The following OSBPL9 variants were observed in gnomAD, a reference collection of about 807,000 sequenced individuals.
The protein encoded by OSBPL9 is oxysterol binding protein like 9.
A neutral mutation model predicts 106.6 loss-of-function variants in OSBPL9; 40 were observed. That is an observed-to-expected ratio of 0.38 (90% CI 0.29 to 0.49). The LOEUF (loss-of-function observed/expected upper bound fraction) is 0.49. Among genes scored for constraint, OSBPL9 ranks in the 20% least tolerant of loss-of-function variants. The probability of loss-of-function intolerance (pLI) is 0.97; values close to 1 mark genes in which losing one functional copy is unlikely to be tolerated. For synonymous variants in OSBPL9, 269 were observed against 295.4 expected, an observed-to-expected ratio of 0.91 and a Z score of 0.92; for missense variants, 609 against 887.2, an observed-to-expected ratio of 0.69 and a Z score of 3.98.
intron 1 of OSBPL9, among the ~76,000 whole-genome samples, chr1:51,651,582 G>A (rs1646520168): frequency 6.6e-6 from 1 of 151,822 alleles, no homozygotes; most frequent in Non-Finnish European, 1.5e-5. Flanking sequence ...CAGCCTGGGC[G>A]ACAAAGCGGG....
intron 14 of OSBPL9, 78 bp from the exon 15 acceptor site, chr1:51,776,755 G>C (rs1045476817): frequency 9.3e-6 from 9 of 969,532 alleles, no homozygotes; most frequent in African/African-American, 5.1e-5. Context: ...GTTTTGTTTT[G>C]TTTTCTTTTT....
intron 4 of OSBPL9, 44 bp from the exon 5 acceptor site, chr1:51,745,492 T>A (rs760170399): frequency 3.1e-6 from 5 of 1,595,490 alleles, no homozygotes; most frequent in Non-Finnish European, 4.3e-6. Flanking sequence ...CTATTAAACT[T>A]TGCTTGGGTT....
chr1:51,710,631 A>G (rs1398020865), intron 3 of OSBPL9, among the ~76,000 whole-genome samples: 2 of 152,228 alleles, frequency 1.3e-5, no homozygotes, highest in Admixed American at 6.5e-5. Context: ...CATAAAGGAT[A>G]TATTTCAGTG....
intron 2 of OSBPL9, among the ~76,000 whole-genome samples, chr1:51,668,153 G>A (rs1414480877): frequency 6.6e-6 from 1 of 152,030 alleles, no homozygotes; most frequent in Non-Finnish European, 1.5e-5. Flanking sequence ...AAGGGCACAC[G>A]GCTTCTCTTA....
the OSBPL9 span, among the ~76,000 whole-genome samples, chr1:51,537,216 C>A: frequency 6.6e-6 from 1 of 151,960 alleles, no homozygotes; most frequent in African/African-American, 2.4e-5. Flanking sequence ...TAAACATTAC[C>A]CTTATTATTT....
chr1:51,760,385 G>T lies in OSBPL9; in HGVS notation c.583-305G>T, dbSNP rs148293625. 173 of 257,476 alleles carry T rather than the reference G, an allele frequency of 6.7e-4. 4 individuals carry two copies. The South Asian group carries it at 8.0e-3, about 12-fold the overall frequency. 15.9% of individuals were successfully genotyped at this position (257,476 alleles called of 1,614,324 possible). Reference sequence around the variant, plus strand: ...GTGAATTAAGAGATTGAGAAGCACCGAATTGAATTGAGAGGTGGTTTTGAC... The same window carrying T: ...GTGAATTAAGAGATTGAGAAGCACCTAATTGAATTGAGAGGTGGTTTTGAC... On this transcript the variant is annotated intron_variant, in intron 9 of 23. Coordinates refer to ENST00000428468, the MANE Select transcript of OSBPL9 (RefSeq NM_024586.6).
intron 1 of OSBPL9, among the ~76,000 whole-genome samples, chr1:51,592,364 C>T (rs1254346411): frequency 6.6e-6 from 1 of 152,154 alleles, no homozygotes; most frequent in East Asian, 1.9e-4. Context: ...ATCTGCCCAT[C>T]TCGGCCTCCC....
rs12033228 is a variant in OSBPL9, at chr1:51,776,662, T to C, written c.1171-171T>C. Among the ~76,000 whole-genome samples the C allele has an allele frequency of 2.6e-5, 4 of 152,316 alleles. No individual in the cohort carries two copies. In the East Asian group the frequency reaches 7.7e-4, roughly 29 times the overall value. ...TGCTAGGCAGGTTAATGGTCATTTC[T>C]GAATCTGACAGGTTGAGAATTAGTT... On this transcript the variant is annotated intron_variant, in intron 14 of 23. Coordinates refer to ENST00000428468, the MANE Select transcript of OSBPL9 (RefSeq NM_024586.6).
At chr1:51,781,117 C>T (rs1247658268) in intron 15 of OSBPL9, 47 bp from the exon 16 acceptor site, 24 of 1,583,368 alleles carry the variant, frequency 1.5e-5, no homozygotes, top group Non-Finnish European at 2.1e-5. Flanking sequence ...ATCATCTTGT[C>T]TTGTACCAGA....
At chr1:51,686,054 G>A (rs1653726549) in intron 3 of OSBPL9, among the ~76,000 whole-genome samples, 1 of 152,080 alleles carries the variant, frequency 6.6e-6, no homozygotes, top group South Asian at 2.1e-4. Context: ...AAATCAAGTG[G>A]AGATGGGTGT....
At chr1:51,543,903 C>G in the OSBPL9 span, among the ~76,000 whole-genome samples, 1 of 152,172 alleles carries the variant, frequency 6.6e-6, no homozygotes, top group Non-Finnish European at 1.5e-5. Context: ...TCATTATTCT[C>G]AAGAAATGAA....
At chr1:51,590,665 G>C (rs183022145) in intron 1 of OSBPL9, among the ~76,000 whole-genome samples, 45 of 151,076 alleles carry the variant, frequency 3.0e-4, no homozygotes, top group Non-Finnish European at 5.9e-4. Flanking sequence ...GTCACGTTTA[G>C]GATTATGTTT....
At chr1:51,649,942 A>G (rs2148701394) in intron 1 of OSBPL9, among the ~76,000 whole-genome samples, 1 of 151,936 alleles carries the variant, frequency 6.6e-6, no homozygotes, top group African/African-American at 2.4e-5. Context: ...GGGTGTGGTC[A>G]TGGCTCACTG....
chr1:51,727,453 G>T (rs565383791), intron 4 of OSBPL9, among the ~76,000 whole-genome samples: 11 of 152,288 alleles, frequency 7.2e-5, no homozygotes, highest in Admixed American at 7.2e-4. Context: ...AACAGAATTA[G>T]ATAGGATCCT....
chr1:51,584,629 T>G (rs1645237499), intron 1 of OSBPL9, among the ~76,000 whole-genome samples: 1 of 152,044 alleles, frequency 6.6e-6, no homozygotes, highest in Admixed American at 6.6e-5. Flanking sequence ...AGCAGGAGAA[T>G]CGCTTGAACC....
At chr1:51,614,540 A>G (rs1644011208), upstream of OSBPL9, 1 of 152,132 alleles carries the variant, frequency 6.6e-6, no homozygotes, top group African/African-American at 2.4e-5. Flanking sequence ...CCTGGCCTGA[A>G]GCGATTCTCC....
intron 3 of OSBPL9, among the ~76,000 whole-genome samples, chr1:51,711,004 G>A (rs189676521): frequency 1.3e-5 from 2 of 151,082 alleles, no homozygotes; most frequent in Non-Finnish European, 2.9e-5. Context: ...CTCATACGCT[G>A]TATTGCTTAC....
chr1:51,558,427 T>C, the OSBPL9 span, among the ~76,000 whole-genome samples: 2 of 152,180 alleles, frequency 1.3e-5, no homozygotes, highest in African/African-American at 2.4e-5. Flanking sequence ...CCAATTCTCC[T>C]ATAGATAACA....
chr1:51,759,807 T>G (rs1671118302), intron 9 of OSBPL9: 1 of 152,202 alleles, frequency 6.6e-6, no homozygotes, highest in Non-Finnish European at 1.5e-5. Flanking sequence ...ACTACATGTC[T>G]GAATTTTTCT....
Sources: allele counts gnomAD v4.1 joint callset (sites outside exome capture counted in the v4.1 genomes callset), GRCh38; gene constraint gnomAD v4.1.1; transcripts MANE v1.5; gene names NCBI Gene and HGNC (gene_info 2026-07-23, HGNC 2026-07-21).